OR1L8: variants seen among roughly 807,000 people sequenced by gnomAD.
OR1L8 encodes the protein olfactory receptor family 1 subfamily L member 8, also known as olfactory receptor 1L8.
For missense variants in OR1L8, 330 were observed against 377.4 expected (o/e 0.87, Z 1.04); for synonymous variants, 148 against 147.0 (o/e 1.01, Z -0.05).
chr9:122,568,611 T>C lies in OR1L8; in HGVS notation c.-134A>G. The C allele has an allele frequency of 1.7e-6, 1 of 605,972 alleles. No individual in the cohort carries two copies. The highest frequency in any genetic ancestry group is 2.3e-5 in the South Asian group (1 of 43,130). 37.5% of individuals were successfully genotyped at this position (605,972 alleles called of 1,614,324 possible). A position where few individuals can be genotyped will look rare whatever the true frequency, so the allele number is the denominator to read the frequency against. On this transcript the variant is annotated 5_prime_UTR_variant, in exon 5 of 5. Transcript: ENST00000641027. The stretch of plus-strand genomic sequence containing the variant: ...ATTAGCTACTGTGCTAATTGTGGGA[T>C]GGCTTGTTCACCTCATGGTCCTTGA...
In OR1L8 at chr9:122,567,650, A is replaced by C; in HGVS notation, c.828T>G (p.Ile276Met). The change falls in exon 5 of 5, where the codon ATT becomes ATG. Residue 276 changes from isoleucine (I) to methionine (M), a missense_variant. By Grantham distance (10) the Ile-to-Met change is conservative (BLOSUM62 1). Transcript: ENST00000641027. ...GCATGGATGACAAAACTGTGTAAAC[A>C]ATTGTTGCCACGTGGTCCTTGACAG... The part of the protein sequence containing the change: ...TYAVKDHVAT[I>M]VYTVLSSMLN... 1 of 1,614,096 alleles carries C rather than the reference A, an allele frequency of 6.2e-7. No homozygotes were observed. Among genetic ancestry groups the C allele is most frequent in the Non-Finnish European group, 8.5e-7 (1 of 1,179,994 alleles).
At chr9:122,569,659 CATTTTATTTTATTTT>C (rs56279203) in intron 4 of OR1L8, among the ~76,000 whole-genome samples, 57,210 of 150,188 alleles carry the variant, frequency 0.38, 11,410 homozygotes, top group African/African-American at 0.42. Flanking sequence ...GAAACAACTT[CATTTTATTTTATTTT>C]ATTTTATTTT....
At chr9:122,553,393 C>T in the OR1L8 span, 6 of 1,614,168 alleles carry the variant, frequency 3.7e-6, no homozygotes, top group Admixed American at 6.7e-5. Flanking sequence ...CTCCATACTC[C>T]CATGTACTTC....
intron 3 of OR1L8, among the ~76,000 whole-genome samples, chr9:122,574,817 T>C (rs1303199952): frequency 1.3e-5 from 2 of 152,052 alleles, no homozygotes; most frequent in African/African-American, 2.4e-5. Context: ...ATAATGTTAG[T>C]TGTAGGATTT....
the OR1L8 span, among the ~76,000 whole-genome samples, chr9:122,551,550 C>T: frequency 4.2e-3 from 637 of 152,336 alleles, 6 homozygotes; most frequent in African/African-American, 0.015. Context: ...CAAGTGCTGA[C>T]TTGCCTAATG....
downstream of OR1L8, among the ~76,000 whole-genome samples, chr9:122,564,862 C>A (rs959427298): frequency 6.6e-6 from 1 of 152,170 alleles, no homozygotes; most frequent in African/African-American, 2.4e-5. Flanking sequence ...ATTCTGCAGC[C>A]CCATGTCATA....
chr9:122,575,737 C>T (rs78776629), intron 3 of OR1L8, among the ~76,000 whole-genome samples: 7,539 of 152,162 alleles, frequency 0.05, 294 homozygotes, highest in South Asian at 0.17. Flanking sequence ...TCTATAATCT[C>T]ACAGTTACTT....
At chr9:122,548,925 TTACTC>T in the OR1L8 span, among the ~76,000 whole-genome samples, 1 of 152,102 alleles carries the variant, frequency 6.6e-6, no homozygotes, top group Admixed American at 6.6e-5. Context: ...GGTGGTTTGT[TTACTC>T]TGTTGATTAT....
chr9:122,557,322 A>G, the OR1L8 span, among the ~76,000 whole-genome samples: 93 of 152,216 alleles, frequency 6.1e-4, no homozygotes, highest in East Asian at 1.9e-4. Context: ...CAGAGCTTTT[A>G]GTTTCTCATC....
chr9:122,552,870 A>G, the OR1L8 span, among the ~76,000 whole-genome samples: 1 of 151,092 alleles, frequency 6.6e-6, no homozygotes, highest in Non-Finnish European at 1.5e-5. Flanking sequence ...GGCTTTTCTA[A>G]TCTTGCCATC....
intron 3 of OR1L8, among the ~76,000 whole-genome samples, chr9:122,575,075 T>G (rs1829628378): frequency 1.3e-5 from 2 of 152,152 alleles, no homozygotes; most frequent in Non-Finnish European, 2.9e-5. Context: ...ATAAATCTTT[T>G]TATACATTGT....
At chr9:122,577,507 A>T (rs1445401119) in intron 2 of OR1L8, among the ~76,000 whole-genome samples, 1 of 152,246 alleles carries the variant, frequency 6.6e-6, no homozygotes, top group Non-Finnish European at 1.5e-5. Flanking sequence ...CAGGCAATTC[A>T]CAAAAGAATA....
chr9:122,559,974 G>A, the OR1L8 span, among the ~76,000 whole-genome samples: 3 of 152,176 alleles, frequency 2.0e-5, no homozygotes, highest in Non-Finnish European at 2.9e-5. Flanking sequence ...AAGTCTCTTT[G>A]TAGGTCTCTA....
At chr9:122,568,881 G>C (rs528405500) in intron 4 of OR1L8, among the ~76,000 whole-genome samples, 192 bp from the exon 5 acceptor site, 54 of 152,176 alleles carry the variant, frequency 3.5e-4, no homozygotes, top group Admixed American at 7.2e-4. Flanking sequence ...TACAAAATAT[G>C]TAGTATAGCA....
Position 122,568,236 on chromosome 9 carries a change from T to C in OR1L8, c.242A>G (p.Lys81Arg), listed in dbSNP as rs755272567. The C allele has an allele frequency of 6.2e-7, 1 of 1,614,142 alleles. No homozygotes were observed. Among genetic ancestry groups the C allele is most frequent in the Non-Finnish European group, 8.5e-7 (1 of 1,180,004 alleles). Residue 81 changes from lysine (K) to arginine (R), a missense_variant, in exon 5 of 5, where the codon AAG (lysine) becomes AGG (arginine). Transcript: ENST00000641027. ...TTCTGACAGGAAGTTCATCAGCATC[T>C]TGGGGACAACGCTTGTTGTAAAGCA... ...DICFTTSVVP[K>R]MLMNFLSEKK...
At chr9:122,547,985 G>C in the OR1L8 span, among the ~76,000 whole-genome samples, 1 of 152,038 alleles carries the variant, frequency 6.6e-6, no homozygotes, top group African/African-American at 2.4e-5. Flanking sequence ...TAGCCATTCT[G>C]ACCGGTGCAA....
chr9:122,562,428 G>C (rs1829368302), downstream of OR1L8, among the ~76,000 whole-genome samples: 1 of 152,204 alleles, frequency 6.6e-6, no homozygotes, highest in Admixed American at 6.5e-5. Context: ...CTCTGTTGTT[G>C]GGACCCTAGG....
the OR1L8 span, among the ~76,000 whole-genome samples, chr9:122,549,745 G>C: frequency 6.6e-6 from 1 of 152,068 alleles, no homozygotes; most frequent in Non-Finnish European, 1.5e-5. Context: ...CTAGTACCAT[G>C]TTGTTTTGGT....
chr9:122,575,714 G>A (rs1829641244), intron 3 of OR1L8, among the ~76,000 whole-genome samples: 1 of 152,114 alleles, frequency 6.6e-6, no homozygotes, highest in South Asian at 2.1e-4. Context: ...TTATTATGAA[G>A]CAGATTAACA....
Sources: gnomAD v4.1 joint callset for allele counts (sites outside exome capture counted in the v4.1 genomes callset) on GRCh38, gnomAD v4.1.1 for gene constraint, MANE v1.5 for transcripts, NCBI Gene and HGNC (gene_info 2026-07-23, HGNC 2026-07-21) for gene names.